Variants in DOCK1 observed in about 807,000 individuals in gnomAD.
The protein encoded by DOCK1 is dedicator of cytokinesis protein 1.
A neutral mutation model predicts 262.7 loss-of-function variants in DOCK1; 138 were observed. The ratio of observed to expected loss-of-function variants is 0.53; its 90% CI spans 0.46 to 0.61. DOCK1 has a LOEUF of 0.61. DOCK1 is among the 20% of genes least tolerant of loss of function. DOCK1 has a pLI of 0.00. For synonymous variants in DOCK1, 866 were observed against 867.4 expected, an observed-to-expected ratio of 1.00 and a Z score of 0.03; for missense variants, 1,908 against 2,370.7, an observed-to-expected ratio of 0.80 and a Z score of 4.05.
intron 21 of DOCK1, among the ~76,000 whole-genome samples, chr10:127,051,123 G>C (rs1327511839): frequency 6.6e-6 from 1 of 151,840 alleles, no homozygotes; most frequent in African/African-American, 2.4e-5. Context: ...CTCAATTTTT[G>C]TGTATTCCAA....
At chr10:127,062,222 A>G (rs2045582218) in intron 23 of DOCK1, among the ~76,000 whole-genome samples, 1 of 152,142 alleles carries the variant, frequency 6.6e-6, no homozygotes, top group African/African-American at 2.4e-5. Flanking sequence ...TATAGGCGTG[A>G]GCCACTGTGC....
At chr10:127,162,772 G>A (rs2053700599) in intron 27 of DOCK1, among the ~76,000 whole-genome samples, 1 of 152,194 alleles carries the variant, frequency 6.6e-6, no homozygotes, top group African/African-American at 2.4e-5. Context: ...GGCCTCCCCA[G>A]GCCTGCCAGT....
At chr10:127,336,701 A>G (rs1304467694) in intron 29 of DOCK1, among the ~76,000 whole-genome samples, 11 of 151,952 alleles carry the variant, frequency 7.2e-5, no homozygotes, top group Non-Finnish European at 5.9e-5. Flanking sequence ...CACCACACCC[A>G]GCTAATTTTT....
chr10:127,209,008 G>A (rs559641959), intron 27 of DOCK1, among the ~76,000 whole-genome samples: 4 of 152,204 alleles, frequency 2.6e-5, no homozygotes, highest in African/African-American at 9.6e-5. Context: ...TTTACCTAGC[G>A]ATGAAAAGCT....
At chr10:127,237,247 C>G (rs2059105269) in intron 27 of DOCK1, among the ~76,000 whole-genome samples, 1 of 151,366 alleles carries the variant, frequency 6.6e-6, no homozygotes, top group Admixed American at 6.6e-5. Flanking sequence ...GTAATCCCAG[C>G]TACTTGGGAG....
At chr10:127,023,600 C>T (rs2042606968) in intron 14 of DOCK1, among the ~76,000 whole-genome samples, 1 of 145,646 alleles carries the variant, frequency 6.9e-6, no homozygotes, top group Admixed American at 7.0e-5. Context: ...TGGAGTGCTG[C>T]AGGTGTGTGC....
intron 29 of DOCK1, among the ~76,000 whole-genome samples, chr10:127,297,918 C>T (rs979379734): frequency 1.3e-5 from 2 of 152,074 alleles, no homozygotes; most frequent in African/African-American, 4.8e-5. Flanking sequence ...TTCTTCTCTG[C>T]TTGCTAATCT....
chr10:127,018,581 T>C, intron 12 of DOCK1, 129 bp from the exon 13 acceptor site: 3 of 1,455,864 alleles, frequency 2.1e-6, no homozygotes, highest in Non-Finnish European at 2.8e-6. Context: ...CTTTCTCATA[T>C]ACCCACCTTT....
intron 27 of DOCK1, among the ~76,000 whole-genome samples, chr10:127,153,472 G>T (rs890935050): frequency 3.9e-5 from 6 of 152,186 alleles, no homozygotes; most frequent in Admixed American, 1.3e-4. Flanking sequence ...TCTTTCCATG[G>T]TATTCCTAGC....
At chr10:127,190,059 G>A (rs2056604590) in intron 27 of DOCK1, among the ~76,000 whole-genome samples, 1 of 152,164 alleles carries the variant, frequency 6.6e-6, no homozygotes, top group African/African-American at 2.4e-5. Context: ...TGGGTTATAA[G>A]AACATTAATT....
chr10:127,256,883 C>T (rs80020761), intron 28 of DOCK1, among the ~76,000 whole-genome samples: 5,908 of 152,220 alleles, frequency 0.039, 398 homozygotes, highest in African/African-American at 0.13. Context: ...TGGAGCCTTT[C>T]GTTTTGAAAT....
chr10:127,053,365 C>A (rs865968278), intron 22 of DOCK1, among the ~76,000 whole-genome samples: 204 of 152,252 alleles, frequency 1.3e-3, no homozygotes, highest in African/African-American at 4.6e-3. Context: ...ATAAATAAAA[C>A]AACAATGAAA....
chr10:126,975,953 G>A (rs1039501586), intron 2 of DOCK1, among the ~76,000 whole-genome samples: 2 of 152,044 alleles, frequency 1.3e-5, no homozygotes, highest in East Asian at 3.8e-4. Flanking sequence ...CTGTCTTTTT[G>A]TGTCTCTGTA....
intron 27 of DOCK1, among the ~76,000 whole-genome samples, chr10:127,128,755 G>T (rs1232472312): frequency 2.6e-5 from 4 of 152,098 alleles, no homozygotes; most frequent in African/African-American, 9.7e-5. Context: ...ATTCCATGGT[G>T]TATAGGTGCC....
intron 31 of DOCK1, among the ~76,000 whole-genome samples, chr10:127,350,363 C>T (rs1457256414): frequency 1.3e-5 from 2 of 152,198 alleles, no homozygotes; most frequent in Non-Finnish European, 2.9e-5. Flanking sequence ...TAGCCCCACC[C>T]ACCAGGCACT....
At chr10:127,030,972 G>A (rs2043198749) in intron 16 of DOCK1, among the ~76,000 whole-genome samples, 1 of 152,210 alleles carries the variant, frequency 6.6e-6, no homozygotes, top group South Asian at 2.1e-4. Context: ...CACTTTGGAG[G>A]AGGTGACATT....
At chr10:127,385,437 A>G (rs1411374500) in intron 38 of DOCK1, among the ~76,000 whole-genome samples, 1 of 135,152 alleles carries the variant, frequency 7.4e-6, no homozygotes, top group Non-Finnish European at 1.6e-5. Flanking sequence ...ATTTAAAAAA[A>G]AAAGCTGTTT....
intron 27 of DOCK1, among the ~76,000 whole-genome samples, chr10:127,180,713 A>G (rs1290438979): frequency 2.0e-5 from 3 of 152,208 alleles, no homozygotes; most frequent in Non-Finnish European, 4.4e-5. Context: ...TTAATGGCTA[A>G]CAATAGGTAA....
intron 16 of DOCK1, among the ~76,000 whole-genome samples, chr10:127,026,878 T>C (rs1228625632): frequency 6.6e-6 from 1 of 152,234 alleles, no homozygotes; most frequent in Admixed American, 6.5e-5. Context: ...CTGACCATGG[T>C]GCCAAGACTT....
Sources: allele counts gnomAD v4.1 joint callset (sites outside exome capture counted in the v4.1 genomes callset), GRCh38; gene constraint gnomAD v4.1.1; transcripts MANE v1.5; gene names NCBI Gene and HGNC (gene_info 2026-07-23, HGNC 2026-07-21).